KIAA1671: variants seen among roughly 807,000 people sequenced by gnomAD.
The protein encoded by KIAA1671 is KIAA1671.
In KIAA1671, 52 loss-of-function variants were observed where a neutral mutation model predicts 131.2. That is an observed-to-expected ratio of 0.40 (90% CI 0.32 to 0.50). The LOEUF (loss-of-function observed/expected upper bound fraction) is 0.50, where lower values mean the gene tolerates loss of function less well. KIAA1671 is among the 20% of genes least tolerant of loss of function. KIAA1671 has a pLI of 0.73. For missense variants in KIAA1671, 2,360 were observed against 2,364.2 expected (o/e 1.00, Z 0.04); for synonymous variants, 1,003 against 961.6 (o/e 1.04, Z -0.80).
At chr22:25,085,515 CCCATAACCCCCTGTCCGT>C (rs1459425998) in intron 6 of KIAA1671, among the ~76,000 whole-genome samples, 8 of 151,700 alleles carry the variant, frequency 5.3e-5, no homozygotes, top group African/African-American at 1.7e-4. Flanking sequence ...CACCTCCCCC[CCCATAACCCCCTGTCCGT>C]CCTGCGGCTC....
intron 1 of KIAA1671, among the ~76,000 whole-genome samples, chr22:24,994,307 G>A (rs77079889): frequency 0.011 from 1,677 of 152,208 alleles, 19 homozygotes; most frequent in Non-Finnish European, 0.019. Context: ...CCTAAGTCAA[G>A]GGTGCAAAGG....
chr22:24,972,628 ATTTC>A lies in KIAA1671; in HGVS notation c.-208+19865_-208+19868del, dbSNP rs553043983. 2.3e-3 allele frequency among the ~76,000 whole-genome samples: 346 copies of A among 149,732 alleles called. 1 individual carries two copies. The highest frequency in any genetic ancestry group is 8.3e-3 in the African/African-American group (337 of 40,470). On this transcript the variant is annotated intron_variant, in intron 1 of 12. Transcript: ENST00000358431. Reference sequence around the variant, plus strand: ...CTTCCATTCCATCCACTTATTCTTTATTTCTTTCTTTCCCTCCCTCCTTCCCTCC... The same window carrying A: ...CTTCCATTCCATCCACTTATTCTTTATTTCTTTCCCTCCCTCCTTCCCTCC...
rs976294492 is a variant in KIAA1671 at position 25,004,061 on chromosome 22, C to T, written c.-207-21572C>T. 7.2e-5 allele frequency among the ~76,000 whole-genome samples: 11 copies of T among 152,018 alleles called. No homozygotes were observed. In the East Asian group the frequency reaches 1.9e-3, roughly 27 times the overall value. On this transcript the variant is annotated intron_variant, in intron 1 of 12. Coordinates refer to ENST00000358431, the MANE Select transcript of KIAA1671 (RefSeq NM_001145206.2). ...CTCGGACTTCTGACCTTGTGATCCG[C>T]CTGCCTCAGCCTCCCAAAGTGCTGG...
chr22:24,956,850 C>A (rs1351622867), intron 1 of KIAA1671, among the ~76,000 whole-genome samples: 1 of 127,864 alleles, frequency 7.8e-6, no homozygotes. Context: ...CCAGCCTGGG[C>A]GAGAGAGCGA....
At chr22:25,080,840 G>A (rs2145863769) in intron 6 of KIAA1671, among the ~76,000 whole-genome samples, 1 of 152,222 alleles carries the variant, frequency 6.6e-6, no homozygotes, top group Admixed American at 6.5e-5. Context: ...AGAGAGCCAT[G>A]TGGTAACAAT....
At chr22:25,117,020 T>C (rs1377416704) in intron 6 of KIAA1671, among the ~76,000 whole-genome samples, 1 of 152,176 alleles carries the variant, frequency 6.6e-6, no homozygotes, top group Non-Finnish European at 1.5e-5. Context: ...GTAGAGTCTG[T>C]GCATTGTAAG....
intron 6 of KIAA1671, among the ~76,000 whole-genome samples, chr22:25,133,112 A>G (rs1932517916): frequency 6.6e-6 from 1 of 152,146 alleles, no homozygotes; most frequent in East Asian, 1.9e-4. Context: ...CACTTGGTTA[A>G]ACAATGTTTT....
intron 6 of KIAA1671, among the ~76,000 whole-genome samples, chr22:25,170,119 T>G (rs1385498925): frequency 6.6e-6 from 1 of 152,162 alleles, no homozygotes; most frequent in East Asian, 1.9e-4. Context: ...TTCACCATGT[T>G]AGCCAGGATG....
At chr22:25,062,827 C>CCCTGCCACCCGCCA (rs1257589891) in intron 6 of KIAA1671, 3 of 98,936 alleles carry the variant, frequency 3.0e-5, no homozygotes, top group Non-Finnish European at 6.6e-5. Flanking sequence ...CACCCCCGCC[C>CCCTGCCACCCGCCA]CCCGCCACCC....
At chr22:24,998,885 T>C (rs1205159950) in intron 1 of KIAA1671, among the ~76,000 whole-genome samples, 3 of 151,936 alleles carry the variant, frequency 2.0e-5, no homozygotes, top group Non-Finnish European at 2.9e-5. Context: ...TATGTGAATA[T>C]GCCACAATTT....
chr22:25,139,864 GAA>G (rs1259912770), intron 6 of KIAA1671, among the ~76,000 whole-genome samples: 1 of 152,196 alleles, frequency 6.6e-6, no homozygotes, highest in Non-Finnish European at 1.5e-5. Flanking sequence ...CAGCAAGTGT[GAA>G]GGCCTAAGGA....
chr22:25,056,272 T>C (rs1197267124), intron 6 of KIAA1671: 1 of 149,500 alleles, frequency 6.7e-6, no homozygotes, highest in Non-Finnish European at 1.5e-5. Flanking sequence ...ATAATGTTCT[T>C]TGATGCACAA....
chr22:25,082,316 G>T (rs536148128), intron 6 of KIAA1671, among the ~76,000 whole-genome samples: 10 of 152,272 alleles, frequency 6.6e-5, no homozygotes, highest in African/African-American at 1.9e-4. Context: ...CCTGAGCTGG[G>T]TCTTAACACC....
intron 6 of KIAA1671, among the ~76,000 whole-genome samples, chr22:25,154,588 C>T (rs1449159224): frequency 6.6e-6 from 1 of 152,204 alleles, no homozygotes; most frequent in African/African-American, 2.4e-5. Flanking sequence ...AACAAAGCCA[C>T]AGGCTGGGCT....
rs1926923329 is a variant in KIAA1671, at chr22:25,041,532, A to C, written c.4395+7A>C. 3 of 1,510,740 alleles carry C rather than the reference A, an allele frequency of 2.0e-6. No individual in the cohort carries two copies. The highest frequency in any genetic ancestry group is 2.7e-6 in the Non-Finnish European group (3 of 1,129,732). 93.6% of individuals were successfully genotyped at this position (1,510,740 alleles called of 1,614,324 possible). ...GACTGGAGACAGTCACAAGGTAAGT[A>C]CCGAGACACTTTTTAATTTTGTCAA... On this transcript the variant is annotated splice_region_variant and intron_variant, in intron 5 of 12. Coordinates refer to ENST00000358431, the MANE Select transcript of KIAA1671 (RefSeq NM_001145206.2).
rs528073439 is a variant in KIAA1671, at chr22:25,066,645, C to T, written c.4530+17281C>T. On this transcript the variant is annotated intron_variant, in intron 6 of 12. Coordinates refer to ENST00000358431, the MANE Select transcript of KIAA1671 (RefSeq NM_001145206.2). ...GATCTCACCTCATGACCCTTAACCT[C>T]GACATCTGCAAAGACCATTTCCAAA... Among the ~76,000 whole-genome samples, 47 of 152,310 alleles carry T rather than the reference C, an allele frequency of 3.1e-4. No individual in the cohort carries two copies. The South Asian group carries it at 9.3e-3, about 30-fold the overall frequency.
In KIAA1671 at chr22:25,093,844, C is replaced by CTG. The variant is rs1568951654; in HGVS notation, c.4530+44481_4530+44482insGT. ...TCTCTTTCTCTCTCTGTCTGTCTCT[C>CTG]TCTCTCTCTCTCTCTCTCTCTCTCT... is the stretch of plus-strand genomic sequence containing the variant. On this transcript the variant is annotated intron_variant, in intron 6 of 12. Transcript: ENST00000358431. 2.9e-4 allele frequency among the ~76,000 whole-genome samples: 26 copies of CTG among 90,606 alleles called. 3 individuals carry two copies. Among genetic ancestry groups the CTG allele is most frequent in the African/African-American group, 7.0e-4 (17 of 24,448 alleles). 59.4% of individuals were successfully genotyped at this position (90,606 alleles called of 152,430 possible). A position where few individuals can be genotyped will look rare whatever the true frequency, so the allele number is the denominator to read the frequency against.
intron 6 of KIAA1671, among the ~76,000 whole-genome samples, chr22:25,126,214 A>G (rs1232736893): frequency 6.6e-6 from 1 of 152,238 alleles, no homozygotes; most frequent in African/African-American, 2.4e-5. Flanking sequence ...TGCCAAAGCC[A>G]GAAGTTATCC....
intron 5 of KIAA1671, among the ~76,000 whole-genome samples, chr22:25,047,153 T>C (rs1327015835): frequency 3.0e-4 from 4 of 13,528 alleles, no homozygotes; most frequent in Non-Finnish European, 5.4e-4. Context: ...TTTCTTTTCT[T>C]TTTTTTTTTT....
Sources: gnomAD v4.1 joint callset for allele counts (sites outside exome capture counted in the v4.1 genomes callset) on GRCh38, gnomAD v4.1.1 for gene constraint, MANE v1.5 for transcripts, NCBI Gene and HGNC (gene_info 2026-07-23, HGNC 2026-07-21) for gene names.